Variants in CTIF observed in about 807,000 individuals in gnomAD.
CTIF encodes the protein cap binding complex dependent translation initiation factor, also known as CBP80/20-dependent translation initiation factor.
CTIF carries 21 observed loss-of-function variants against 66.0 expected under a neutral mutation model. The ratio of observed to expected loss-of-function variants is 0.32; its 90% CI spans 0.23 to 0.46. The LOEUF is 0.46. Among genes scored for constraint, CTIF ranks in the 20% least tolerant of loss-of-function variants. The pLI, the probability that CTIF is intolerant of heterozygous loss-of-function variation, is 1.00. For synonymous variants in CTIF, 345 were observed against 326.4 expected, an observed-to-expected ratio of 1.06 and a Z score of -0.62; for missense variants, 739 against 812.7, an observed-to-expected ratio of 0.91 and a Z score of 1.10.
At chr18:48,741,625 A>G (rs1251601697) in intron 7 of CTIF, among the ~76,000 whole-genome samples, 2 of 151,904 alleles carry the variant, frequency 1.3e-5, no homozygotes, top group Non-Finnish European at 2.9e-5. Context: ...AGATTTTGCC[A>G]TGTTGGCCAG....
intron 10 of CTIF, among the ~76,000 whole-genome samples, chr18:48,834,481 C>T (rs1245118237): frequency 6.6e-6 from 1 of 152,230 alleles, no homozygotes; most frequent in Non-Finnish European, 1.5e-5. Flanking sequence ...CCTGATCCCG[C>T]TGTGTGGTTC....
chr18:48,613,160 T>G (rs2090338451), intron 1 of CTIF, among the ~76,000 whole-genome samples: 1 of 152,114 alleles, frequency 6.6e-6, no homozygotes, highest in African/African-American at 2.4e-5. Context: ...TTGGCTAAAT[T>G]GATAGCTCCT....
At chr18:48,796,261 C>T (rs1471208842) in intron 9 of CTIF, among the ~76,000 whole-genome samples, 12 of 151,462 alleles carry the variant, frequency 7.9e-5, no homozygotes, top group Non-Finnish European at 1.6e-4. Flanking sequence ...GCAAGCTCCA[C>T]CTCCCGGGTT....
chr18:48,772,532 T>TACAGCAATAACTCCCCTACACCAACAA, intron 9 of CTIF, among the ~76,000 whole-genome samples: 1 of 151,896 alleles, frequency 6.6e-6, no homozygotes, highest in Non-Finnish European at 1.5e-5. Context: ...ATGCCTCCCC[T>TACAGCAATAACTCCCCTACACCAACAA]CCATCTTCCA....
intron 1 of CTIF, among the ~76,000 whole-genome samples, chr18:48,576,017 A>G (rs1323656178): frequency 1.3e-5 from 2 of 152,266 alleles, no homozygotes; most frequent in African/African-American, 4.8e-5. Context: ...GCACTGTGGA[A>G]CAATCGGCCT....
intron 9 of CTIF, among the ~76,000 whole-genome samples, chr18:48,808,154 A>G (rs2068188318): frequency 6.6e-6 from 1 of 152,182 alleles, no homozygotes; most frequent in South Asian, 2.1e-4. Context: ...GACAATTACC[A>G]TTTTAAGTTG....
intron 7 of CTIF, among the ~76,000 whole-genome samples, chr18:48,745,034 G>A (rs2145776259): frequency 6.6e-6 from 1 of 152,160 alleles, no homozygotes; most frequent in East Asian, 1.9e-4. Context: ...GTGTTAGCTA[G>A]GATGGTCTCG....
rs550782524 is a variant in CTIF, at chr18:48,621,827, T to C, written c.180+2082T>C. On this transcript the variant is annotated intron_variant, in intron 2 of 11. Transcript: ENST00000256413. Reference sequence around the variant, plus strand: ...AAAGGGGAGAGACATGTGGTGGTATTTGGGGGAAATAAGGTCAAAATAGGA... The same window carrying C: ...AAAGGGGAGAGACATGTGGTGGTATCTGGGGGAAATAAGGTCAAAATAGGA... 9.9e-5 allele frequency among the ~76,000 whole-genome samples: 15 copies of C among 152,252 alleles called. No homozygotes were observed. The South Asian group carries it at 2.3e-3, about 23-fold the overall frequency.
At chr18:48,717,135 A>G (rs1038313977) in intron 7 of CTIF, among the ~76,000 whole-genome samples, 3 of 152,198 alleles carry the variant, frequency 2.0e-5, no homozygotes, top group African/African-American at 7.2e-5. Context: ...GTGGAGGCTC[A>G]TGCCTATAAT....
intron 6 of CTIF, among the ~76,000 whole-genome samples, chr18:48,708,461 C>T (rs75283428): frequency 0.022 from 3,352 of 152,260 alleles, 40 homozygotes; most frequent in Middle Eastern, 0.068. Flanking sequence ...CAACACAGTG[C>T]CCCCCATTGC....
intron 2 of CTIF, among the ~76,000 whole-genome samples, chr18:48,634,693 G>A (rs1209462271): frequency 6.6e-6 from 1 of 152,202 alleles, no homozygotes; most frequent in African/African-American, 2.4e-5. Flanking sequence ...CAGCTGACGT[G>A]GGAGCCTGGG....
chr18:48,643,342 T>C (rs981961636), intron 3 of CTIF, among the ~76,000 whole-genome samples: 2 of 152,200 alleles, frequency 1.3e-5, no homozygotes, highest in African/African-American at 4.8e-5. Context: ...CAACAAAGTA[T>C]GGACAGTTGT....
chr18:48,845,205 AG>A (rs1294511903), intron 10 of CTIF, among the ~76,000 whole-genome samples: 1 of 152,234 alleles, frequency 6.6e-6, no homozygotes, highest in African/African-American at 2.4e-5. Context: ...TTCATTCCAA[AG>A]AAAAAGAAAG....
intron 10 of CTIF, among the ~76,000 whole-genome samples, chr18:48,819,856 T>C (rs970935980): frequency 1.3e-5 from 2 of 152,220 alleles, no homozygotes; most frequent in Non-Finnish European, 1.5e-5. Context: ...ATTTACCTGC[T>C]TTGAGCTTTG....
chr18:48,803,837 C>T (rs75105119), intron 9 of CTIF, among the ~76,000 whole-genome samples: 6,424 of 152,234 alleles, frequency 0.042, 193 homozygotes, highest in South Asian at 0.082. Context: ...TGCTGCTGAC[C>T]GCCATCTTAG....
intron 1 of CTIF, among the ~76,000 whole-genome samples, chr18:48,587,269 A>G (rs1158589501): frequency 6.6e-6 from 1 of 151,784 alleles, no homozygotes; most frequent in African/African-American, 2.4e-5. Flanking sequence ...TTTAGTAGAG[A>G]TGGGGTTTCA....
intron 9 of CTIF, among the ~76,000 whole-genome samples, chr18:48,794,244 CA>C (rs1290526727): frequency 1.3e-5 from 2 of 152,218 alleles, no homozygotes; most frequent in Non-Finnish European, 2.9e-5. Context: ...GCTCCTTTGA[CA>C]GATGTATTCC....
intron 7 of CTIF, among the ~76,000 whole-genome samples, chr18:48,735,713 G>A (rs945423876): frequency 6.6e-6 from 1 of 152,274 alleles, no homozygotes; most frequent in Admixed American, 6.5e-5. Context: ...GAGGATTCTT[G>A]CCAGTGATTA....
chr18:48,749,847 A>C (rs1269834704), intron 7 of CTIF, among the ~76,000 whole-genome samples: 2 of 152,186 alleles, frequency 1.3e-5, no homozygotes, highest in Non-Finnish European at 2.9e-5. Context: ...GGATGCCCAG[A>C]GCCACCAGCA....
Sources: allele counts gnomAD v4.1 joint callset (sites outside exome capture counted in the v4.1 genomes callset), GRCh38; gene constraint gnomAD v4.1.1; transcripts MANE v1.5; gene names NCBI Gene and HGNC (gene_info 2026-07-23, HGNC 2026-07-21).